NALCN: variants seen among roughly 807,000 people sequenced by gnomAD.
NALCN encodes sodium leak channel, non-selective.
NALCN carries 111 observed loss-of-function variants against 225.3 expected under a neutral mutation model. That is an observed-to-expected ratio of 0.49 (90% CI 0.42 to 0.58). The LOEUF (loss-of-function observed/expected upper bound fraction) is 0.58. Ranked by LOEUF, NALCN falls within the 20% of genes least tolerant of loss-of-function variation. The probability of loss-of-function intolerance (pLI) is 0.00; values close to 1 mark genes in which losing one functional copy is unlikely to be tolerated. For missense variants in NALCN, 1,378 were observed against 2,202.4 expected (o/e 0.63, Z 7.49); for synonymous variants, 764 against 769.0 (o/e 0.99, Z 0.11).
At chr13:101,198,367 G>A (rs546004981) in intron 13 of NALCN, among the ~76,000 whole-genome samples, 74 of 152,168 alleles carry the variant, frequency 4.9e-4, no homozygotes, top group Non-Finnish European at 7.9e-4. Flanking sequence ...TTACAGAATG[G>A]GAGAAAATTT....
intron 7 of NALCN, among the ~76,000 whole-genome samples, chr13:101,306,012 T>C (rs2044142211): frequency 6.6e-6 from 1 of 152,122 alleles, no homozygotes; most frequent in Non-Finnish European, 1.5e-5. Context: ...GAAGAGTGTG[T>C]TGGACCATGT....
At chr13:101,153,181 T>C (rs1298205800) in intron 15 of NALCN, among the ~76,000 whole-genome samples, 1 of 152,232 alleles carries the variant, frequency 6.6e-6, no homozygotes, top group Non-Finnish European at 1.5e-5. Flanking sequence ...GATTTCAGTG[T>C]TCTCAAATAA....
At chr13:101,116,145 T>C (rs2035696498) in intron 18 of NALCN, among the ~76,000 whole-genome samples, 1 of 152,120 alleles carries the variant, frequency 6.6e-6, no homozygotes, top group African/African-American at 2.4e-5. Flanking sequence ...CTGAGGATGA[T>C]TCAAATGTGG....
rs1338497669 is a variant in NALCN at position 101,339,391 on chromosome 13, G to T, written c.799+5875C>A. On this transcript the variant is annotated intron_variant, in intron 7 of 43. Coordinates refer to ENST00000251127, the MANE Select transcript of NALCN (RefSeq NM_052867.4). Reference sequence around the variant, plus strand: ...GGAGTGTGTGATATCTTGAGTGCACGGGCTAATGTCTTAGCAGGGATGAGT... The same window carrying T: ...GGAGTGTGTGATATCTTGAGTGCACTGGCTAATGTCTTAGCAGGGATGAGT... Among the ~76,000 whole-genome samples the T allele has an allele frequency of 4.6e-5, 7 of 152,084 alleles. No homozygotes were observed. The East Asian group carries it at 1.3e-3, about 29-fold the overall frequency.
intron 22 of NALCN, 93 bp downstream of exon 22, chr13:101,107,394 T>A: frequency 1.3e-6 from 2 of 1,584,434 alleles, no homozygotes; most frequent in Non-Finnish European, 1.7e-6. Flanking sequence ...TGTGACCCCA[T>A]TAGGATTACA....
At chr13:101,124,585 G>C in intron 18 of NALCN, 23 bp downstream of exon 18, 1 of 1,592,146 alleles carries the variant, frequency 6.3e-7, no homozygotes, top group Non-Finnish European at 8.6e-7. Flanking sequence ...GTTTAAATAT[G>C]TGTCAACATT....
In NALCN at chr13:101,228,805, T is replaced by C. The variant is rs191265148; in HGVS notation, c.1626+588A>G. 2.3e-4 allele frequency among the ~76,000 whole-genome samples: 35 copies of C among 152,336 alleles called. No individual in the cohort carries two copies. The East Asian group carries it at 6.8e-3, about 29-fold the overall frequency. ...TTTGTCTGGTCATTGTATTTTTTTATGTTTCTAAGTCCACATAGAGTTAAA... is the reference window on the plus strand; with the variant it reads ...TTTGTCTGGTCATTGTATTTTTTTACGTTTCTAAGTCCACATAGAGTTAAA... On this transcript the variant is annotated intron_variant, in intron 13 of 43. Transcript: ENST00000251127.
chr13:101,154,825 C>T (rs143839421), intron 15 of NALCN, among the ~76,000 whole-genome samples: 3 of 152,170 alleles, frequency 2.0e-5, no homozygotes, highest in Non-Finnish European at 2.9e-5. Context: ...GCAAGTCTGC[C>T]GATTTCAGAT....
chr13:101,311,332 C>T (rs2044337300), intron 7 of NALCN, among the ~76,000 whole-genome samples: 1 of 151,768 alleles, frequency 6.6e-6, no homozygotes, highest in African/African-American at 2.4e-5. Context: ...TTCCTCTTTT[C>T]CTAATTGAAT....
intron 18 of NALCN, among the ~76,000 whole-genome samples, chr13:101,114,119 GAGA>G (rs1426202590): frequency 6.6e-6 from 1 of 152,184 alleles, no homozygotes; most frequent in Admixed American, 6.5e-5. Flanking sequence ...AAGCCTAATG[GAGA>G]AGATGAGTTG....
chr13:101,273,712 C>T (rs756344151), intron 10 of NALCN, among the ~76,000 whole-genome samples: 46 of 151,712 alleles, frequency 3.0e-4, no homozygotes, highest in African/African-American at 8.7e-4. Flanking sequence ...AGTGAAACCC[C>T]GTCTCTTCTA....
At position 101,063,856 on chromosome 13, in the gene NALCN, G is replaced by C. The variant is rs1002670627; in HGVS notation, c.4604+1548C>G. On this transcript the variant is annotated intron_variant, in intron 40 of 43. Coordinates refer to ENST00000251127, the MANE Select transcript of NALCN (RefSeq NM_052867.4). Reference sequence around the variant, plus strand: ...TATGTGATTAAAATAGCTACTGCTAGTCAGTCGCTCTTATTTTTTTCTGTG... The same window carrying C: ...TATGTGATTAAAATAGCTACTGCTACTCAGTCGCTCTTATTTTTTTCTGTG... 2.6e-5 allele frequency among the ~76,000 whole-genome samples: 4 copies of C among 152,090 alleles called. No individual in the cohort carries two copies. In the South Asian group the frequency reaches 8.3e-4, roughly 32 times the overall value.
At chr13:101,267,332 T>C (rs2042630357) in intron 10 of NALCN, among the ~76,000 whole-genome samples, 16 of 152,212 alleles carry the variant, frequency 1.1e-4, no homozygotes. Context: ...CAGTAATGGC[T>C]GGTGTGAAAG....
chr13:101,183,484 G>C (rs1290460108), intron 14 of NALCN, among the ~76,000 whole-genome samples: 2 of 152,164 alleles, frequency 1.3e-5, no homozygotes, highest in East Asian at 1.9e-4. Flanking sequence ...GATTGAGGCA[G>C]AGTCTCTCTC....
chr13:101,326,757 C>A lies in NALCN; in HGVS notation c.799+18509G>T, dbSNP rs182245555. Among the ~76,000 whole-genome samples, 21 of 152,334 alleles carry A rather than the reference C, an allele frequency of 1.4e-4. No homozygotes were observed. In the East Asian group the frequency reaches 3.7e-3, roughly 27 times the overall value. ...TGCTATTTATTGGCCCGTGGTTCTG[C>A]AGAAGGCAATTTGGGCTAGGGTCAG... On this transcript the variant is annotated intron_variant, in intron 7 of 43. Transcript: ENST00000251127.
intron 7 of NALCN, among the ~76,000 whole-genome samples, chr13:101,344,701 T>C (rs112288893): frequency 5.9e-5 from 9 of 152,332 alleles, no homozygotes; most frequent in African/African-American, 2.2e-4. Flanking sequence ...TAGGACTTAA[T>C]AAGGCAAGCC....
At chr13:101,341,495 T>C (rs1288541434) in intron 7 of NALCN, among the ~76,000 whole-genome samples, 2 of 152,220 alleles carry the variant, frequency 1.3e-5, no homozygotes, top group African/African-American at 4.8e-5. Context: ...TGTGTCTCAG[T>C]GTTGACTGTT....
chr13:101,063,706 C>A (rs2032144316), intron 40 of NALCN, among the ~76,000 whole-genome samples: 1 of 151,736 alleles, frequency 6.6e-6, no homozygotes, highest in Non-Finnish European at 1.5e-5. Context: ...TTCCCAGATT[C>A]TTCCTGTGCT....
chr13:101,103,174 A>G lies in NALCN; in HGVS notation c.3055T>C (p.Leu1019=). 1.2e-6 allele frequency: 2 copies of G among 1,612,090 alleles called. No individual in the cohort carries two copies. Among genetic ancestry groups the G allele is most frequent in the Non-Finnish European group, 1.7e-6 (2 of 1,179,350 alleles). ...ELFSGFKEIF[L]VSILLLTLML... is the part of the protein sequence containing the mutation. ...ATCAAAGGATAATTCTCACATACCA[A>G]AAAAATTTCCTTGAAGCCGCTGAAA... The change falls in exon 26 of 44, where the codon TTG becomes CTG. Residue 1019 remains leucine, a splice_region_variant and synonymous_variant. Coordinates refer to ENST00000251127, the MANE Select transcript of NALCN (RefSeq NM_052867.4).
Sources: allele counts gnomAD v4.1 joint callset (sites outside exome capture counted in the v4.1 genomes callset), GRCh38; gene constraint gnomAD v4.1.1; transcripts MANE v1.5; gene names NCBI Gene and HGNC (gene_info 2026-07-23, HGNC 2026-07-21).